The following NRXN3 variants were observed in gnomAD, a reference collection of about 807,000 sequenced individuals.
NRXN3 encodes the protein neurexin III.
NRXN3 carries 32 observed loss-of-function variants against 137.6 expected under a neutral mutation model. The ratio of observed to expected loss-of-function variants is 0.23; its 90% CI spans 0.18 to 0.31. NRXN3 has a LOEUF of 0.31. Ranked by LOEUF, NRXN3 falls within the 10% of genes least tolerant of loss-of-function variation. NRXN3 has a pLI of 1.00. For missense variants in NRXN3, 1,574 were observed against 2,062.5 expected (o/e 0.76, Z 4.59); for synonymous variants, 798 against 784.5 (o/e 1.02, Z -0.29).
intron 4 of NRXN3, among the ~76,000 whole-genome samples, chr14:78,542,067 C>G (rs976213663): frequency 2.0e-5 from 3 of 152,204 alleles, no homozygotes; most frequent in African/African-American, 7.2e-5. Flanking sequence ...GGGCAGCTGC[C>G]TATATGAGGT....
intron 15 of NRXN3, among the ~76,000 whole-genome samples, chr14:79,209,124 G>C (rs1388766934): frequency 2.6e-5 from 4 of 152,084 alleles, no homozygotes; most frequent in Non-Finnish European, 5.9e-5. Flanking sequence ...GTTTTTAGTA[G>C]AGATGGGGTT....
At chr14:78,248,804 G>C (rs1356852336) in intron 2 of NRXN3, among the ~76,000 whole-genome samples, 1 of 152,146 alleles carries the variant, frequency 6.6e-6, no homozygotes, top group African/African-American at 2.4e-5. Context: ...GGGAAGGAGA[G>C]AACAGAAGCA....
At chr14:78,445,877 CAT>C (rs1358172798) in intron 4 of NRXN3, among the ~76,000 whole-genome samples, 2 of 152,120 alleles carry the variant, frequency 1.3e-5, no homozygotes, top group Non-Finnish European at 2.9e-5. Flanking sequence ...GATAGATGAA[CAT>C]TGGAAGCTGT....
chr14:79,066,407 TAA>T (rs2152690641), intron 15 of NRXN3, among the ~76,000 whole-genome samples: 1 of 152,314 alleles, frequency 6.6e-6, no homozygotes, highest in East Asian at 1.9e-4. Context: ...TAGAATAGTT[TAA>T]AGTCAGGTAG....
intron 4 of NRXN3, among the ~76,000 whole-genome samples, chr14:78,500,598 T>G (rs2095861373): frequency 6.6e-6 from 1 of 152,124 alleles, no homozygotes; most frequent in Non-Finnish European, 1.5e-5. Flanking sequence ...GCCAAATAGA[T>G]GAGCTGAAAG....
At chr14:78,886,528 T>G (rs1022937715) in intron 10 of NRXN3, among the ~76,000 whole-genome samples, 2 of 152,022 alleles carry the variant, frequency 1.3e-5, no homozygotes, top group African/African-American at 4.8e-5. Flanking sequence ...CCCAAACACT[T>G]TAGAGTCTTT....
chr14:78,220,823 T>C (rs984465971), intron 1 of NRXN3, among the ~76,000 whole-genome samples: 3 of 151,192 alleles, frequency 2.0e-5, no homozygotes, highest in African/African-American at 2.4e-5. Context: ...GGAGAGAAAG[T>C]GAGTAGCCAG....
intron 15 of NRXN3, among the ~76,000 whole-genome samples, chr14:79,456,105 TAA>T (rs1331537210): frequency 4.6e-5 from 7 of 152,200 alleles, no homozygotes; most frequent in Non-Finnish European, 1.0e-4. Flanking sequence ...ATTGTATGTA[TAA>T]AGAGTACTGT....
At chr14:78,600,221 A>G (rs1043152285) in intron 4 of NRXN3, among the ~76,000 whole-genome samples, 3 of 152,154 alleles carry the variant, frequency 2.0e-5, no homozygotes, top group South Asian at 2.1e-4. Context: ...TTCACTCCCA[A>G]TTTGGTTGTT....
chr14:78,877,479 T>C (rs1184599856), intron 10 of NRXN3, among the ~76,000 whole-genome samples: 2 of 152,154 alleles, frequency 1.3e-5, no homozygotes, highest in East Asian at 3.8e-4. Context: ...GAATTCAAAA[T>C]ACATACTGCC....
At chr14:79,321,495 AGG>A (rs2090009439) in intron 15 of NRXN3, among the ~76,000 whole-genome samples, 1 of 152,168 alleles carries the variant, frequency 6.6e-6, no homozygotes, top group Admixed American at 6.6e-5. Flanking sequence ...TCTTAAAATA[AGG>A]ACATTCTATT....
At chr14:79,346,047 C>G (rs991232506) in intron 15 of NRXN3, among the ~76,000 whole-genome samples, 1 of 152,204 alleles carries the variant, frequency 6.6e-6, no homozygotes, top group Non-Finnish European at 1.5e-5. Context: ...CTATATTCCC[C>G]TAAATGATCT....
At chr14:78,205,601 G>A (rs2153402657) in intron 1 of NRXN3, among the ~76,000 whole-genome samples, 1 of 152,370 alleles carries the variant, frequency 6.6e-6, no homozygotes, top group African/African-American at 2.4e-5. Context: ...ATTCCAGGTA[G>A]AGGGAACAGT....
At chr14:79,237,883 T>C (rs190715287) in intron 15 of NRXN3, among the ~76,000 whole-genome samples, 1 of 152,268 alleles carries the variant, frequency 6.6e-6, no homozygotes, top group East Asian at 1.9e-4. Context: ...ATCTGTGAAA[T>C]GGGAGTAATA....
At chr14:78,998,093 T>G (rs867534831) in intron 15 of NRXN3, among the ~76,000 whole-genome samples, 2 of 152,328 alleles carry the variant, frequency 1.3e-5, no homozygotes, top group African/African-American at 4.8e-5. Context: ...TCTCACAGTT[T>G]ATCTTCTCTA....
chr14:79,032,804 C>A (rs1325195464), intron 15 of NRXN3, among the ~76,000 whole-genome samples: 8 of 152,086 alleles, frequency 5.3e-5, no homozygotes, highest in Non-Finnish European at 4.4e-5. Flanking sequence ...GTGTTTAAAT[C>A]CTAATTTCCT....
chr14:78,684,011 G>A (rs906381459), intron 6 of NRXN3, among the ~76,000 whole-genome samples: 5 of 152,174 alleles, frequency 3.3e-5, no homozygotes, highest in Non-Finnish European at 7.3e-5. Flanking sequence ...GAAGGATAAT[G>A]TCATCTATTG....
chr14:78,190,742 T>C (rs1481896329), intron 1 of NRXN3, among the ~76,000 whole-genome samples: 1 of 152,120 alleles, frequency 6.6e-6, no homozygotes, highest in Admixed American at 6.5e-5. Context: ...GGTGCGATCT[T>C]GGCTCACTGC....
chr14:78,246,398 C>T (rs950974287), intron 2 of NRXN3, among the ~76,000 whole-genome samples: 2 of 151,970 alleles, frequency 1.3e-5, no homozygotes, highest in Non-Finnish European at 2.9e-5. Context: ...CTACAAGGTT[C>T]AGATCATCTC....
Sources: allele counts gnomAD v4.1 joint callset (sites outside exome capture counted in the v4.1 genomes callset), GRCh38; gene constraint gnomAD v4.1.1; transcripts MANE v1.5; gene names NCBI Gene and HGNC (gene_info 2026-07-23, HGNC 2026-07-21).